The following RAB38 variants were observed in gnomAD, a reference collection of about 807,000 sequenced individuals.
RAB38 encodes ras-related protein Rab-38.
Under a neutral mutation model 18.4 loss-of-function variants are expected in RAB38, and 15 were observed. The observed-to-expected ratio is 0.82, with a 90% CI of 0.55 to 1.26. The LOEUF (loss-of-function observed/expected upper bound fraction) is 1.26, where lower values mean the gene tolerates loss of function less well. Ranked by LOEUF, RAB38 falls within the 50% of genes most tolerant of loss-of-function variation. The probability of loss-of-function intolerance (pLI) is 0.00; values close to 1 mark genes in which losing one functional copy is unlikely to be tolerated. For synonymous variants in RAB38, 101 were observed against 104.4 expected, an observed-to-expected ratio of 0.97 and a Z score of 0.20; for missense variants, 294 against 267.4, an observed-to-expected ratio of 1.10 and a Z score of -0.69.
the RAB38 span, among the ~76,000 whole-genome samples, chr11:87,850,716 A>C: frequency 1.1e-5 from 1 of 88,298 alleles, no homozygotes; most frequent in African/African-American, 5.6e-5. Flanking sequence ...CAACACTGCC[A>C]CACACACACA....
Position 88,175,263 on chromosome 11 carries a change from G to T in RAB38, c.122C>A (p.Thr41Lys), listed in dbSNP as rs1943372765. 1.2e-6 allele frequency: 2 copies of T among 1,614,048 alleles called. No homozygotes were observed. Among genetic ancestry groups the T allele is most frequent in the Admixed American group, 1.7e-5 (1 of 60,012 alleles). The change falls in exon 1 of 3, where the codon ACA (threonine) becomes AAA (lysine). Residue 41 changes from threonine (T) to lysine (K), a missense_variant. Physicochemically the swap from Thr to Lys is moderately conservative, Grantham distance 78. Transcript: ENST00000243662. ...CTTGAGCGCGAAGTCCACGCCGATTGTGGCCCGGTAGTGCGAAGAGAAGTT... is the reference window on the plus strand; with the variant it reads ...CTTGAGCGCGAAGTCCACGCCGATTTTGGCCCGGTAGTGCGAAGAGAAGTT... ...HQNFSSHYRA[T>K]IGVDFALKVL...
the RAB38 span, among the ~76,000 whole-genome samples, chr11:87,910,917 T>G: frequency 6.6e-6 from 1 of 152,092 alleles, no homozygotes. Flanking sequence ...ATTACAGGTA[T>G]GAGCCACAGT....
intron 2 of RAB38, among the ~76,000 whole-genome samples, chr11:88,147,830 T>C (rs2134824234): frequency 6.6e-6 from 1 of 152,086 alleles, no homozygotes; most frequent in African/African-American, 2.4e-5. Flanking sequence ...GGGGTGGAGC[T>C]TGCAGTGAGC....
the RAB38 span, among the ~76,000 whole-genome samples, chr11:87,950,086 C>T: frequency 6.6e-6 from 1 of 152,134 alleles, no homozygotes; most frequent in Non-Finnish European, 1.5e-5. Flanking sequence ...GTATTGGGTG[C>T]ATATATATTT....
the RAB38 span, among the ~76,000 whole-genome samples, chr11:87,976,683 A>C: frequency 1.6e-5 from 2 of 122,976 alleles, no homozygotes; most frequent in Non-Finnish European, 3.2e-5. Context: ...ATATATATTT[A>C]TATATTTACA....
At chr11:88,004,669 G>C in the RAB38 span, among the ~76,000 whole-genome samples, 10 of 151,208 alleles carry the variant, frequency 6.6e-5, no homozygotes, top group African/African-American at 2.2e-4. Flanking sequence ...AAAAAGTACA[G>C]AGCTTGAACA....
chr11:88,036,651 TATCA>T, the RAB38 span, among the ~76,000 whole-genome samples: 43 of 152,270 alleles, frequency 2.8e-4, no homozygotes, highest in African/African-American at 1.0e-3. Flanking sequence ...ATAAATATGT[TATCA>T]ATCAACATAG....
chr11:88,094,825 A>C, the RAB38 span, among the ~76,000 whole-genome samples: 1 of 151,860 alleles, frequency 6.6e-6, no homozygotes, highest in African/African-American at 2.4e-5. Flanking sequence ...ATATTTCTTT[A>C]TGTATATTTC....
chr11:88,154,045 G>A (rs537444379), intron 1 of RAB38, among the ~76,000 whole-genome samples: 1 of 152,328 alleles, frequency 6.6e-6, no homozygotes, highest in East Asian at 1.9e-4. Context: ...GCTCAGGTAT[G>A]TGAGAGAGGC....
At chr11:88,044,287 C>A in the RAB38 span, among the ~76,000 whole-genome samples, 1 of 152,172 alleles carries the variant, frequency 6.6e-6, no homozygotes, top group South Asian at 2.1e-4. Context: ...TGGGGAGGAA[C>A]CCCCGACCCC....
At chr11:87,847,709 CAA>C in the RAB38 span, among the ~76,000 whole-genome samples, 1 of 151,924 alleles carries the variant, frequency 6.6e-6, no homozygotes, top group Non-Finnish European at 1.5e-5. Flanking sequence ...GTTTCATGAC[CAA>C]AGACATTCTT....
At chr11:88,118,883 T>C (rs34466247) in intron 2 of RAB38, among the ~76,000 whole-genome samples, 9,909 of 152,238 alleles carry the variant, frequency 0.065, 501 homozygotes, top group African/African-American at 0.14. Flanking sequence ...ATACTCACAT[T>C]GAATATTCAC....
At chr11:87,836,015 TCAA>T in the RAB38 span, among the ~76,000 whole-genome samples, 1 of 152,172 alleles carries the variant, frequency 6.6e-6, no homozygotes, top group African/African-American at 2.4e-5. Context: ...TACTTTTTCT[TCAA>T]CAAGTCTCAA....
chr11:88,018,384 C>T, the RAB38 span, among the ~76,000 whole-genome samples: 1 of 152,154 alleles, frequency 6.6e-6, no homozygotes, highest in Non-Finnish European at 1.5e-5. Flanking sequence ...CCCCCACTAC[C>T]ATTCAAACAT....
the RAB38 span, among the ~76,000 whole-genome samples, chr11:87,969,607 G>C: frequency 6.6e-6 from 1 of 152,052 alleles, no homozygotes; most frequent in Non-Finnish European, 1.5e-5. Flanking sequence ...TCAAAATAAT[G>C]CAACGTGAAG....
At chr11:87,929,541 T>A in the RAB38 span, among the ~76,000 whole-genome samples, 1 of 149,698 alleles carries the variant, frequency 6.7e-6, no homozygotes, top group Non-Finnish European at 1.5e-5. Context: ...TTTAGCTACA[T>A]TAATTTTGAT....
At chr11:88,106,186 GA>G in the RAB38 span, among the ~76,000 whole-genome samples, 1 of 151,394 alleles carries the variant, frequency 6.6e-6, no homozygotes, top group Non-Finnish European at 1.5e-5. Context: ...CTATCACAGA[GA>G]GAAAAAAAAG....
the RAB38 span, among the ~76,000 whole-genome samples, chr11:87,853,254 A>G: frequency 5.3e-5 from 8 of 152,146 alleles, no homozygotes; most frequent in Non-Finnish European, 1.2e-4. Context: ...TTCAGCCCTA[A>G]CTCCTAATAT....
At chr11:88,073,453 A>G in the RAB38 span, among the ~76,000 whole-genome samples, 6 of 152,178 alleles carry the variant, frequency 3.9e-5, no homozygotes, top group Non-Finnish European at 8.8e-5. Context: ...TTAGGTTGCC[A>G]TCTAATACCA....
Sources: allele counts gnomAD v4.1 joint callset (sites outside exome capture counted in the v4.1 genomes callset), GRCh38; gene constraint gnomAD v4.1.1; transcripts MANE v1.5; gene names NCBI Gene and HGNC (gene_info 2026-07-23, HGNC 2026-07-21).